Variants in ERC2 observed in about 807,000 individuals in gnomAD.
ERC2 encodes ERC protein 2.
A neutral mutation model predicts 114.8 loss-of-function variants in ERC2; 42 were observed. The observed-to-expected ratio is 0.37, with a 90% confidence interval of 0.29 to 0.47. The LOEUF (loss-of-function observed/expected upper bound fraction) is 0.47. Among genes scored for constraint, ERC2 ranks in the 20% least tolerant of loss-of-function variants. The pLI is 0.99. For synonymous variants in ERC2, 454 were observed against 425.5 expected (o/e 1.07, Z -0.82); for missense variants, 939 against 1,150.7 (o/e 0.82, Z 2.66).
intron 6 of ERC2, among the ~76,000 whole-genome samples, chr3:56,136,658 G>A (rs2080525919): frequency 6.6e-6 from 1 of 152,034 alleles, no homozygotes; most frequent in African/African-American, 2.4e-5. Context: ...CAAAGAGTGG[G>A]GAAATCACTT....
At chr3:56,177,269 T>C (rs1183404618) in intron 3 of ERC2, among the ~76,000 whole-genome samples, 1 of 152,188 alleles carries the variant, frequency 6.6e-6, no homozygotes, top group African/African-American at 2.4e-5. Flanking sequence ...TGTGATTGCT[T>C]GCCAAATTTT....
At chr3:55,553,246 T>C (rs2055352219) in intron 17 of ERC2, among the ~76,000 whole-genome samples, 1 of 151,658 alleles carries the variant, frequency 6.6e-6, no homozygotes, top group African/African-American at 2.4e-5. Flanking sequence ...GGTCTTGAAC[T>C]TCTGACCTTG....
chr3:56,125,270 T>A (rs1022115798), intron 6 of ERC2, among the ~76,000 whole-genome samples: 1 of 152,152 alleles, frequency 6.6e-6, no homozygotes, highest in Admixed American at 6.5e-5. Flanking sequence ...GTTTTACTCA[T>A]CAGAAACACC....
intron 14 of ERC2, among the ~76,000 whole-genome samples, chr3:55,870,027 A>G (rs2062507624): frequency 6.6e-6 from 1 of 152,162 alleles, no homozygotes; most frequent in Non-Finnish European, 1.5e-5. Context: ...TAAAAGAACC[A>G]AAGAACCAGG....
At chr3:56,402,127 T>C (rs1370382533) in intron 2 of ERC2, among the ~76,000 whole-genome samples, 3 of 152,136 alleles carry the variant, frequency 2.0e-5, no homozygotes, top group Non-Finnish European at 4.4e-5. Flanking sequence ...GACCAGCCCT[T>C]GATACGTAGG....
At chr3:56,137,708 G>T (rs2080593394) in intron 6 of ERC2, among the ~76,000 whole-genome samples, 1 of 152,156 alleles carries the variant, frequency 6.6e-6, no homozygotes, top group African/African-American at 2.4e-5. Flanking sequence ...AGTTTTGGTT[G>T]ACCCCTATTT....
chr3:55,708,054 A>C (rs1021930711), intron 15 of ERC2, among the ~76,000 whole-genome samples: 1 of 152,148 alleles, frequency 6.6e-6, no homozygotes, highest in Non-Finnish European at 1.5e-5. Context: ...CTGACCTGGG[A>C]ATGGGCTCTG....
At chr3:56,452,608 C>G (rs866611584) in intron 1 of ERC2, among the ~76,000 whole-genome samples, 4 of 151,904 alleles carry the variant, frequency 2.6e-5, no homozygotes, top group East Asian at 3.9e-4. Context: ...TTAAGCCAAC[C>G]CTGGGGTTCT....
At chr3:56,420,640 C>G (rs1399262018) in intron 2 of ERC2, among the ~76,000 whole-genome samples, 1 of 151,574 alleles carries the variant, frequency 6.6e-6, no homozygotes, top group Non-Finnish European at 1.5e-5. Flanking sequence ...AATCCCAGCA[C>G]TTTGGGAGGC....
At chr3:56,410,690 G>A (rs1442826456) in intron 2 of ERC2, among the ~76,000 whole-genome samples, 2 of 152,164 alleles carry the variant, frequency 1.3e-5, no homozygotes, top group African/African-American at 4.8e-5. Context: ...GTCTCCCTCT[G>A]TCACCCAGGC....
chr3:56,142,836 G>GT lies in ERC2; in HGVS notation c.1306-3161dup, dbSNP rs797000237. On this transcript the variant is annotated intron_variant, in intron 5 of 17. Transcript: ENST00000288221. ...CTCCTTTTTTTGGTACTGTGTACTAGTTTTTTTTTTTTGGAACTTTATCTG... is the reference window on the plus strand; with the variant it reads ...CTCCTTTTTTTGGTACTGTGTACTAGTTTTTTTTTTTTTGGAACTTTATCTG... Among the ~76,000 whole-genome samples, 838 of 142,860 alleles carry GT rather than the reference G, an allele frequency of 5.9e-3. 3 individuals are homozygous for GT. The highest frequency in any genetic ancestry group is 8.1e-3 in the African/African-American group (319 of 39,408). The allele number at this position is 142,860 out of a possible 152,430, so 93.7% of individuals were successfully genotyped here.
At chr3:56,449,008 G>A (rs559487312) in intron 1 of ERC2, among the ~76,000 whole-genome samples, 2 of 149,556 alleles carry the variant, frequency 1.3e-5, no homozygotes, top group South Asian at 4.2e-4. Flanking sequence ...CCAGGAGGCA[G>A]AGCTTGCAGT....
intron 14 of ERC2, among the ~76,000 whole-genome samples, chr3:55,849,191 G>A (rs2149236287): frequency 6.6e-6 from 1 of 152,262 alleles, no homozygotes; most frequent in South Asian, 2.1e-4. Flanking sequence ...TGGCAGATCT[G>A]AGATAAGAGT....
In ERC2 at chr3:56,402,209, G is replaced by A. The variant is rs2060544899; in HGVS notation, c.657+32142C>T. Among the ~76,000 whole-genome samples, 3 of 152,188 alleles carry A rather than the reference G, an allele frequency of 2.0e-5. No individual in the cohort carries two copies. In the South Asian group the frequency reaches 6.2e-4, roughly 32 times the overall value. ...CATATCAGGCAGTGTGCCCAGAGTGGCAGCTCAGGGGCAGTTCTGCAGCTA... is the reference window on the plus strand; with the variant it reads ...CATATCAGGCAGTGTGCCCAGAGTGACAGCTCAGGGGCAGTTCTGCAGCTA... On this transcript the variant is annotated intron_variant, in intron 2 of 17. Transcript: ENST00000288221.
intron 14 of ERC2, among the ~76,000 whole-genome samples, chr3:55,754,282 C>T (rs1051352724): frequency 6.6e-6 from 1 of 151,684 alleles, no homozygotes; most frequent in Non-Finnish European, 1.5e-5. Context: ...TAGTGTTTAC[C>T]ATGGTATCAC....
intron 14 of ERC2, among the ~76,000 whole-genome samples, chr3:55,798,682 A>C (rs1238710604): frequency 1.3e-5 from 2 of 152,156 alleles, no homozygotes; most frequent in East Asian, 3.8e-4. Context: ...CCACAGCAAC[A>C]GTGGAAGCCA....
chr3:55,925,687 A>G (rs986936775), intron 13 of ERC2, among the ~76,000 whole-genome samples: 1 of 152,174 alleles, frequency 6.6e-6, no homozygotes, highest in Admixed American at 6.5e-5. Context: ...AAAAGTTCCA[A>G]GAAGAAAAGA....
chr3:56,229,165 CA>C, intron 3 of ERC2, among the ~76,000 whole-genome samples: 1 of 152,144 alleles, frequency 6.6e-6, no homozygotes, highest in East Asian at 1.9e-4. Context: ...GTGAACAAAA[CA>C]GACAAAAAGG....
At chr3:55,694,468 G>C (rs2062829849) in intron 16 of ERC2, among the ~76,000 whole-genome samples, 1 of 152,134 alleles carries the variant, frequency 6.6e-6, no homozygotes, top group Admixed American at 6.5e-5. Context: ...ATGTCTCCAT[G>C]CTCCTAAACT....
Sources: gnomAD v4.1 joint callset for allele counts (sites outside exome capture counted in the v4.1 genomes callset) on GRCh38, gnomAD v4.1.1 for gene constraint, MANE v1.5 for transcripts, NCBI Gene and HGNC (gene_info 2026-07-23, HGNC 2026-07-21) for gene names.